The following BTG4 variants were observed in gnomAD, a reference collection of about 807,000 sequenced individuals.
The protein encoded by BTG4 is protein BTG4.
In BTG4, 10 loss-of-function variants were observed where a neutral mutation model predicts 19.3. That is an observed-to-expected ratio of 0.52 (90% CI 0.32 to 0.88). BTG4 has a LOEUF of 0.88. BTG4 is among the 40% of genes least tolerant of loss of function. The probability of loss-of-function intolerance (pLI) is 0.04; values close to 1 mark genes in which losing one functional copy is unlikely to be tolerated. For missense variants in BTG4, 238 were observed against 281.9 expected (o/e 0.84, Z 1.11); for synonymous variants, 91 against 95.7 (o/e 0.95, Z 0.29).
At chr11:111,512,930 G>T, upstream of BTG4, 1 of 445,894 alleles carries the variant, frequency 2.2e-6, no homozygotes, top group Non-Finnish European at 4.6e-6. Context: ...TGCAGCCGCG[G>T]GTGCCCGGTG....
the BTG4 span, among the ~76,000 whole-genome samples, chr11:111,387,548 G>A: frequency 6.6e-6 from 1 of 152,186 alleles, no homozygotes; most frequent in Non-Finnish European, 1.5e-5. Flanking sequence ...CAGGCTGGAA[G>A]GTGCCCAACT....
the BTG4 span, among the ~76,000 whole-genome samples, chr11:111,435,415 T>C: frequency 6.6e-6 from 1 of 152,150 alleles, no homozygotes; most frequent in East Asian, 1.9e-4. Flanking sequence ...CCCAGGAGGC[T>C]GCACCCTGCC....
In BTG4 at chr11:111,498,023, C is replaced by T. The variant is rs899400233; in HGVS notation, c.286G>A (p.Val96Ile). The T allele has an allele frequency of 1.9e-6, 3 of 1,614,078 alleles. No homozygotes were observed. The African/African-American group carries it at 4.0e-5, about 22-fold the overall frequency. The change falls in exon 3 of 5, where the codon GTA becomes ATA. Residue 96 changes from valine (V) to isoleucine (I), a missense_variant. Val to Ile is a conservative substitution (Grantham distance 29). Transcript: ENST00000692032. ...CTACAGCATACTTCAAAGGGATCTA[C>T]CCATATGGTCATCTCCTTCGGAAGT... Reference protein sequence around the residue: ...LGLPKEMTIWVDPFEVCCRYG... With the variant: ...LGLPKEMTIWIDPFEVCCRYG...
the BTG4 span, among the ~76,000 whole-genome samples, chr11:111,425,713 A>G: frequency 3.9e-5 from 6 of 152,182 alleles, no homozygotes; most frequent in Non-Finnish European, 8.8e-5. Context: ...CAATCTGGGA[A>G]CTAGCAAGGG....
the BTG4 span, among the ~76,000 whole-genome samples, chr11:111,398,698 G>C: frequency 6.6e-6 from 1 of 152,076 alleles, no homozygotes; most frequent in Non-Finnish European, 1.5e-5. Context: ...TGCTGGTCTG[G>C]GAATCACACA....
intron 5 of BTG4, among the ~76,000 whole-genome samples, chr11:111,470,295 G>A (rs907705039): frequency 6.6e-6 from 1 of 152,098 alleles, no homozygotes; most frequent in Admixed American, 6.6e-5. Flanking sequence ...GGTTGCCCAG[G>A]CTGGTCTTGA....
At chr11:111,476,390 T>C (rs1342983285) in intron 5 of BTG4, among the ~76,000 whole-genome samples, 6 of 152,042 alleles carry the variant, frequency 3.9e-5, no homozygotes, top group East Asian at 1.9e-4. Flanking sequence ...ATCCAACTGA[T>C]GAAAATACTA....
intron 5 of BTG4, among the ~76,000 whole-genome samples, chr11:111,478,429 G>A (rs182168890): frequency 2.6e-5 from 4 of 152,236 alleles, no homozygotes; most frequent in Admixed American, 2.6e-4. Flanking sequence ...AAGTCTCATG[G>A]TATCAAAAGC....
the BTG4 span, among the ~76,000 whole-genome samples, chr11:111,428,980 G>A: frequency 4.6e-5 from 7 of 152,112 alleles, no homozygotes; most frequent in South Asian, 6.2e-4. Context: ...TCCAAACATC[G>A]TTCTGAGCTC....
At chr11:111,409,555 G>T in the BTG4 span, among the ~76,000 whole-genome samples, 1 of 152,156 alleles carries the variant, frequency 6.6e-6, no homozygotes, top group African/African-American at 2.4e-5. Context: ...CAGCACTAAA[G>T]CCCTCACCAG....
intron 1 of BTG4, among the ~76,000 whole-genome samples, chr11:111,505,816 C>A (rs1866415540): frequency 6.6e-6 from 1 of 151,954 alleles, no homozygotes; most frequent in South Asian, 2.1e-4. Context: ...GGGCAAAGAA[C>A]ATGAACAGAC....
At chr11:111,440,831 T>C in the BTG4 span, among the ~76,000 whole-genome samples, 2 of 152,216 alleles carry the variant, frequency 1.3e-5, no homozygotes, top group South Asian at 4.1e-4. Context: ...GTTGTCACTA[T>C]GTTGCAGCTC....
At chr11:111,448,199 A>G in the BTG4 span, among the ~76,000 whole-genome samples, 5 of 152,232 alleles carry the variant, frequency 3.3e-5, no homozygotes, top group African/African-American at 4.8e-5. Flanking sequence ...GTGCAAAAGA[A>G]GAGCGAGACC....
At chr11:111,386,599 C>G in the BTG4 span, among the ~76,000 whole-genome samples, 749 of 152,288 alleles carry the variant, frequency 4.9e-3, 11 homozygotes, top group African/African-American at 0.017. Flanking sequence ...TGTGTATATA[C>G]ATATTTTCCT....
chr11:111,483,997 T>A (rs1478762972), intron 5 of BTG4, among the ~76,000 whole-genome samples: 1 of 152,004 alleles, frequency 6.6e-6, no homozygotes, highest in African/African-American at 2.4e-5. Flanking sequence ...GCAAATAACA[T>A]AGAAAGGATC....
chr11:111,450,843 T>C, the BTG4 span: 1 of 153,850 alleles, frequency 6.5e-6, no homozygotes, highest in African/African-American at 2.4e-5. Flanking sequence ...CAGACCAGGA[T>C]CCAGGTGGGC....
downstream of BTG4, among the ~76,000 whole-genome samples, chr11:111,493,005 G>A (rs191327796): frequency 1.3e-5 from 2 of 152,238 alleles, no homozygotes; most frequent in Middle Eastern, 3.4e-3. Context: ...AATTACCCGG[G>A]CATGGGGGCG....
intron 5 of BTG4, among the ~76,000 whole-genome samples, chr11:111,473,846 C>T (rs538997808): frequency 6.6e-6 from 1 of 152,290 alleles, no homozygotes; most frequent in East Asian, 1.9e-4. Context: ...GTAGCTAGAA[C>T]ATGGGTCCAC....
chr11:111,432,139 AG>A, the BTG4 span, among the ~76,000 whole-genome samples: 1 of 152,278 alleles, frequency 6.6e-6, no homozygotes, highest in East Asian at 1.9e-4. Flanking sequence ...GTGTTCCTGG[AG>A]CTAGAGAGAA....
Sources: gnomAD v4.1 joint callset for allele counts (sites outside exome capture counted in the v4.1 genomes callset) on GRCh38, gnomAD v4.1.1 for gene constraint, MANE v1.5 for transcripts, NCBI Gene and HGNC (gene_info 2026-07-23, HGNC 2026-07-21) for gene names.